The following RBFOX1 variants were observed in gnomAD, a reference collection of about 807,000 sequenced individuals.
RBFOX1 encodes the protein RNA binding fox-1 homolog 1.
A neutral mutation model predicts 57.7 loss-of-function variants in RBFOX1; 8 were observed. The observed-to-expected ratio is 0.14, with a 90% CI of 0.08 to 0.25. RBFOX1 has a LOEUF of 0.25. RBFOX1 is among the 10% of genes least tolerant of loss of function. RBFOX1 has a pLI of 1.00. For missense variants in RBFOX1, 611 were observed against 548.5 expected, an observed-to-expected ratio of 1.11 and a Z score of -1.14; for synonymous variants, 326 against 222.4, an observed-to-expected ratio of 1.47 and a Z score of -4.15.
At chr16:5,812,809 A>G (rs1567573650) in intron 3 of RBFOX1, among the ~76,000 whole-genome samples, 1 of 152,050 alleles carries the variant, frequency 6.6e-6, no homozygotes, top group Non-Finnish European at 1.5e-5. Flanking sequence ...ATACGGGTAT[A>G]TGACTGTGAT....
intron 4 of RBFOX1, among the ~76,000 whole-genome samples, chr16:7,212,904 G>A (rs2091408450): frequency 6.6e-6 from 1 of 152,166 alleles, no homozygotes; most frequent in African/African-American, 2.4e-5. Flanking sequence ...GAAGGCAATA[G>A]TGGTTACATG....
At chr16:6,283,050 A>G (rs1315142337) in intron 1 of RBFOX1, among the ~76,000 whole-genome samples, 2 of 152,142 alleles carry the variant, frequency 1.3e-5, no homozygotes, top group Non-Finnish European at 2.9e-5. Context: ...TACGCAACCA[A>G]ACATGGTGGC....
chr16:7,204,996 C>T (rs532697643), intron 4 of RBFOX1, among the ~76,000 whole-genome samples: 2 of 152,112 alleles, frequency 1.3e-5, no homozygotes, highest in Non-Finnish European at 2.9e-5. Flanking sequence ...TCTCTTTATC[C>T]TACACTCTCT....
intron 3 of RBFOX1, among the ~76,000 whole-genome samples, chr16:5,808,381 A>C (rs531165395): frequency 9.8e-5 from 15 of 152,330 alleles, no homozygotes; most frequent in African/African-American, 3.6e-4. Flanking sequence ...CTTTTGGCTT[A>C]GGATTGACTT....
intron 1 of RBFOX1, among the ~76,000 whole-genome samples, chr16:6,098,696 A>G (rs1352093326): frequency 6.6e-6 from 1 of 152,192 alleles, no homozygotes; most frequent in Non-Finnish European, 1.5e-5. Flanking sequence ...ATCATCTGAG[A>G]CCCTTACTAC....
chr16:6,194,553 C>A (rs933630831), intron 1 of RBFOX1, among the ~76,000 whole-genome samples: 5 of 152,218 alleles, frequency 3.3e-5, no homozygotes, highest in Admixed American at 6.5e-5. Flanking sequence ...GTATGCTGCT[C>A]CCTGGACCCA....
rs145042427 is a variant in RBFOX1, at chr16:6,406,296, C to T, written c.-64+89239C>T. 2.1e-3 allele frequency among the ~76,000 whole-genome samples: 318 copies of T among 151,950 alleles called. 1 individual carries two copies. Among genetic ancestry groups the T allele is most frequent in the African/African-American group, 7.3e-3 (301 of 41,458 alleles). On this transcript the variant is annotated intron_variant, in intron 2 of 15. Transcript: ENST00000550418. ...TCATCTGGGACTCATGAACTTCCAC[C>T]GCAGTGGTCCCTTCCTATAATCAAA...
chr16:7,370,656 C>T (rs1037777374), intron 4 of RBFOX1, among the ~76,000 whole-genome samples: 19 of 152,148 alleles, frequency 1.2e-4, no homozygotes, highest in African/African-American at 1.9e-4. Context: ...GGGTGCCATC[C>T]GCTATGATCT....
intron 4 of RBFOX1, among the ~76,000 whole-genome samples, chr16:7,192,281 C>T (rs897576547): frequency 6.6e-6 from 1 of 152,122 alleles, no homozygotes; most frequent in Non-Finnish European, 1.5e-5. Context: ...AGAGAGTTTC[C>T]TTGTGAATCT....
At chr16:6,504,182 C>T (rs867598777) in intron 2 of RBFOX1, among the ~76,000 whole-genome samples, 7 of 152,286 alleles carry the variant, frequency 4.6e-5, no homozygotes, top group African/African-American at 1.7e-4. Flanking sequence ...CATGTATCTT[C>T]AGGGAGCTGT....
At chr16:6,762,610 A>G (rs931795996) in intron 3 of RBFOX1, among the ~76,000 whole-genome samples, 3 of 152,224 alleles carry the variant, frequency 2.0e-5, no homozygotes, top group South Asian at 2.1e-4. Flanking sequence ...TATGAAAGGA[A>G]CAGCAAAAGT....
chr16:6,658,207 T>C lies in RBFOX1; in HGVS notation c.-16+3557T>C, dbSNP rs149688228. The stretch of plus-strand genomic sequence containing the variant: ...TTAGACCACATATCATGATAGAAGA[T>C]AAACTGTGAATTTCAACAGTGGAAG... On this transcript the variant is annotated intron_variant, in intron 3 of 15. Coordinates refer to ENST00000550418, the MANE Select transcript of RBFOX1 (RefSeq NM_018723.4). 1.5e-3 allele frequency among the ~76,000 whole-genome samples: 224 copies of C among 152,136 alleles called. No homozygotes were observed. The East Asian group carries it at 0.025, about 17-fold the overall frequency.
At chr16:5,778,196 C>G (rs2054206342) in intron 3 of RBFOX1, among the ~76,000 whole-genome samples, 1 of 152,110 alleles carries the variant, frequency 6.6e-6, no homozygotes, top group Admixed American at 6.6e-5. Context: ...GCAATAGTGA[C>G]TTGGTTGAGA....
chr16:7,342,281 A>C (rs2096912681), intron 4 of RBFOX1, among the ~76,000 whole-genome samples: 1 of 152,068 alleles, frequency 6.6e-6, no homozygotes, highest in African/African-American at 2.4e-5. Context: ...TGGTGTCATT[A>C]GGGCAGCAAG....
At chr16:6,055,502 A>G (rs985149485) in intron 1 of RBFOX1, among the ~76,000 whole-genome samples, 2 of 147,584 alleles carry the variant, frequency 1.4e-5, no homozygotes, top group Admixed American at 6.9e-5. Flanking sequence ...CTGAGGCAGG[A>G]GAATGGCATG....
At chr16:5,431,199 T>C (rs983662037) in intron 1 of RBFOX1, among the ~76,000 whole-genome samples, 10 of 152,208 alleles carry the variant, frequency 6.6e-5, no homozygotes, top group Admixed American at 6.5e-4. Flanking sequence ...TTGTCGGAGA[T>C]AACTCGATTC....
chr16:6,478,657 A>G (rs1423812300), intron 2 of RBFOX1, among the ~76,000 whole-genome samples: 3 of 151,490 alleles, frequency 2.0e-5, no homozygotes, highest in Non-Finnish European at 4.4e-5. Context: ...GAACACTTAG[A>G]GGCTATTGTA....
At chr16:6,012,118 G>C (rs1003374506) in intron 4 of RBFOX1, among the ~76,000 whole-genome samples, 2 of 152,202 alleles carry the variant, frequency 1.3e-5, no homozygotes, top group Non-Finnish European at 2.9e-5. Context: ...TGGTTGAGAA[G>C]AATCATCACT....
intron 4 of RBFOX1, among the ~76,000 whole-genome samples, chr16:7,189,119 G>A (rs1204927596): frequency 1.3e-5 from 2 of 151,862 alleles, no homozygotes; most frequent in African/African-American, 4.8e-5. Flanking sequence ...GTAATAAGGA[G>A]TGATTTCTAG....
Sources: allele counts gnomAD v4.1 joint callset (sites outside exome capture counted in the v4.1 genomes callset), GRCh38; gene constraint gnomAD v4.1.1; transcripts MANE v1.5; gene names NCBI Gene and HGNC (gene_info 2026-07-23, HGNC 2026-07-21).